The following KLHL29 variants were observed in gnomAD, a reference collection of about 807,000 sequenced individuals.
KLHL29 encodes the protein kelch-like protein 29.
In KLHL29, 21 loss-of-function variants were observed where a neutral mutation model predicts 80.4. The ratio of observed to expected loss-of-function variants is 0.26; its 90% CI spans 0.19 to 0.38. The LOEUF (loss-of-function observed/expected upper bound fraction) is 0.38. Ranked by LOEUF, KLHL29 falls within the 10% of genes least tolerant of loss-of-function variation. The pLI, the probability that KLHL29 is intolerant of heterozygous loss-of-function variation, is 1.00. For synonymous variants in KLHL29, 511 were observed against 526.8 expected (o/e 0.97, Z 0.41); for missense variants, 867 against 1,223.9 (o/e 0.71, Z 4.35).
At chr2:23,389,079 G>A (rs542796009) in intron 1 of KLHL29, among the ~76,000 whole-genome samples, 2 of 147,866 alleles carry the variant, frequency 1.4e-5, no homozygotes, top group African/African-American at 2.5e-5. Flanking sequence ...GAGAGACTTC[G>A]AGACTATATT....
At position 23,682,944 on chromosome 2, in the gene KLHL29, C is replaced by G. The variant is rs1671132685; in HGVS notation, c.941-1455C>G. ...CCCCCAACCCCGATCCCTGAACATG[C>G]ATGTGGCGTGTTCTCCAGGAGCCCC... On this transcript the variant is annotated intron_variant, in intron 5 of 13. Transcript: ENST00000486442. The surrounding 1 kb of genome is among the most constrained non-coding windows in gnomAD (Gnocchi z 4.1). 6.6e-6 allele frequency among the ~76,000 whole-genome samples: 1 copy of G among 152,154 alleles called. No individual in the cohort carries two copies. The highest frequency in any genetic ancestry group is 2.4e-5 in the African/African-American group (1 of 41,430).
At chr2:23,427,785 G>C (rs1048690076) in intron 1 of KLHL29, among the ~76,000 whole-genome samples, 10 of 152,178 alleles carry the variant, frequency 6.6e-5, no homozygotes, top group Admixed American at 2.6e-4. Flanking sequence ...CAAGGTCCTT[G>C]ATGTCAGTTT....
At chr2:23,598,417 A>G (rs1250892132) in intron 3 of KLHL29, among the ~76,000 whole-genome samples, 2 of 152,196 alleles carry the variant, frequency 1.3e-5, no homozygotes, top group Admixed American at 6.5e-5. Context: ...TTCAGATGAT[A>G]TTCATTGTAC....
rs781497059 is a variant in KLHL29, at chr2:23,647,159, C to T, written c.940+4309C>T. Among the ~76,000 whole-genome samples the T allele has an allele frequency of 2.6e-5, 4 of 152,156 alleles. No individual in the cohort carries two copies. Among genetic ancestry groups the T allele is most frequent in the Non-Finnish European group, 4.4e-5 (3 of 68,006 alleles). ...CCCTAAAAGGGAGGTGGGATGCATC[C>T]CTTTTCTGTCAGGAGGACTCAGGAT... On this transcript the variant is annotated intron_variant, in intron 5 of 13. Coordinates refer to ENST00000486442, the MANE Select transcript of KLHL29 (RefSeq NM_052920.2). This position sits in a 1 kb window ranked among gnomAD's most constrained non-coding sequence, Gnocchi z 4.9.
At position 23,655,077 on chromosome 2, in the gene KLHL29, G is replaced by T. The variant is rs537248601; in HGVS notation, c.940+12227G>T. Among the ~76,000 whole-genome samples, 12 of 152,310 alleles carry T rather than the reference G, an allele frequency of 7.9e-5. No individual in the cohort carries two copies. The East Asian group carries it at 2.3e-3, about 29-fold the overall frequency. Reference sequence around the variant, plus strand: ...CTCTTTCCTCATCTCCAAAACCGTTGTTGGGATGGCTGGGTGGATGGATGG... The same window carrying T: ...CTCTTTCCTCATCTCCAAAACCGTTTTTGGGATGGCTGGGTGGATGGATGG... On this transcript the variant is annotated intron_variant, in intron 5 of 13. Transcript: ENST00000486442.
At position 23,656,781 on chromosome 2, in the gene KLHL29, A is replaced by T. The variant is rs1036011361; in HGVS notation, c.940+13931A>T. On this transcript the variant is annotated intron_variant, in intron 5 of 13. Transcript: ENST00000486442. ...GCACGGGGTGGGGCCTGCAGAGGGG[A>T]GGAATTTCCCAGGCTTCCTGGCCGG... is the stretch of plus-strand genomic sequence containing the variant. Among the ~76,000 whole-genome samples the T allele has an allele frequency of 2.6e-5, 4 of 152,162 alleles. No individual in the cohort carries two copies. In the South Asian group the frequency reaches 8.3e-4, roughly 32 times the overall value.
At chr2:23,626,669 G>A (rs1034444687) in intron 3 of KLHL29, among the ~76,000 whole-genome samples, 1 of 152,204 alleles carries the variant, frequency 6.6e-6, no homozygotes, top group Non-Finnish European at 1.5e-5. Context: ...TGGGGTGGGA[G>A]GGGGGCCGCG....
At chr2:23,626,583 A>G (rs772417311) in intron 3 of KLHL29, among the ~76,000 whole-genome samples, 4 of 152,192 alleles carry the variant, frequency 2.6e-5, no homozygotes, top group Non-Finnish European at 5.9e-5. Flanking sequence ...TGACTCTCCC[A>G]CTAGCCTGTG....
chr2:23,429,824 A>T (rs1572505931), intron 1 of KLHL29, among the ~76,000 whole-genome samples: 1 of 151,664 alleles, frequency 6.6e-6, no homozygotes, highest in Non-Finnish European at 1.5e-5. Flanking sequence ...CACCTATAAC[A>T]CCCCTTTCCC....
rs1662721360 is a variant in KLHL29, at chr2:23,419,565, G to A, written c.-154+33785G>A. ...GGACTTGGATGCTCTGTTATTTCCA[G>A]GGCATCTTCTCAATTTCATTCTGAA... On this transcript the variant is annotated intron_variant, in intron 1 of 13. Transcript: ENST00000486442. Among the ~76,000 whole-genome samples the A allele has an allele frequency of 2.0e-5, 3 of 152,182 alleles. 1 individual carries two copies. Among genetic ancestry groups the A allele is most frequent in the Admixed American group, 1.3e-4 (2 of 15,278 alleles).
Position 23,462,133 on chromosome 2 carries a change from C to G in KLHL29, c.-153-13427C>G, listed in dbSNP as rs143289178. Among the ~76,000 whole-genome samples the G allele has an allele frequency of 1.8e-3, 272 of 152,074 alleles. 1 individual carries two copies. Among genetic ancestry groups the G allele is most frequent in the African/African-American group, 6.2e-3 (259 of 41,466 alleles). On this transcript the variant is annotated intron_variant, in intron 1 of 13. Transcript: ENST00000486442. ...TGACAGGTGGGACTCAAGGATGACT[C>G]CCACCTGGCAAATTTCAGCAGCACT...
At chr2:23,570,452 C>A (rs1289115144) in intron 3 of KLHL29, among the ~76,000 whole-genome samples, 1 of 152,194 alleles carries the variant, frequency 6.6e-6, no homozygotes, top group Non-Finnish European at 1.5e-5. Flanking sequence ...TCTTCAGCCA[C>A]CCACGGGGTC....
intron 1 of KLHL29, among the ~76,000 whole-genome samples, chr2:23,472,014 A>G (rs903902721): frequency 6.6e-6 from 1 of 152,082 alleles, no homozygotes; most frequent in African/African-American, 2.4e-5. Context: ...TAGGCCTCCC[A>G]GAAAGGACAA....
chr2:23,443,323 C>A (rs901276240), intron 1 of KLHL29, among the ~76,000 whole-genome samples: 2 of 152,176 alleles, frequency 1.3e-5, no homozygotes, highest in African/African-American at 4.8e-5. Flanking sequence ...CCACAGTGGT[C>A]ATTACACCTA....
chr2:23,550,606 T>A (rs952955804), intron 2 of KLHL29, among the ~76,000 whole-genome samples: 8 of 152,234 alleles, frequency 5.3e-5, no homozygotes, highest in Non-Finnish European at 8.8e-5. Flanking sequence ...TAATATCCTG[T>A]CACAGGCAGT....
intron 3 of KLHL29, among the ~76,000 whole-genome samples, chr2:23,587,491 G>A (rs1007858707): frequency 6.6e-6 from 1 of 152,056 alleles, no homozygotes; most frequent in African/African-American, 2.4e-5. Flanking sequence ...GCCTCCCCCG[G>A]GCTACCCGAG....
At chr2:23,610,226 A>G (rs1236996451) in intron 3 of KLHL29, among the ~76,000 whole-genome samples, 3 of 152,144 alleles carry the variant, frequency 2.0e-5, no homozygotes, top group Non-Finnish European at 4.4e-5. Context: ...TGTTGGGCCC[A>G]TGGCCAGGCC....
Position 23,483,005 on chromosome 2 carries a change from C to T in KLHL29, c.-46+7338C>T, listed in dbSNP as rs182279502. 2.5e-3 allele frequency among the ~76,000 whole-genome samples: 377 copies of T among 152,264 alleles called. 2 individuals are homozygous for T. Among genetic ancestry groups the T allele is most frequent in the Admixed American group, 7.0e-3 (107 of 15,294 alleles). Reference sequence around the variant, plus strand: ...CATACGAATTCTTACATGATTAACGCGATCAATTCTTATGTGGCAAATATG... The same window carrying T: ...CATACGAATTCTTACATGATTAACGTGATCAATTCTTATGTGGCAAATATG... On this transcript the variant is annotated intron_variant, in intron 2 of 13. Transcript: ENST00000486442.
At chr2:23,645,617 G>A (rs963730797) in intron 5 of KLHL29, among the ~76,000 whole-genome samples, 1 of 152,226 alleles carries the variant, frequency 6.6e-6, no homozygotes, top group African/African-American at 2.4e-5. Context: ...TCCCGGGGTT[G>A]AGTAATTATG....
Sources: gnomAD v4.1 joint callset for allele counts (sites outside exome capture counted in the v4.1 genomes callset) on GRCh38, gnomAD v4.1.1 for gene constraint, Gnocchi (gnomAD v3.1) non-coding constraint, MANE v1.5 for transcripts, NCBI Gene and HGNC (gene_info 2026-07-23, HGNC 2026-07-21) for gene names.